RAB6B: variants seen among roughly 807,000 people sequenced by gnomAD.
RAB6B encodes ras-related protein Rab-6B.
In RAB6B, 7 loss-of-function variants were observed where a neutral mutation model predicts 31.2. The ratio of observed to expected loss-of-function variants is 0.22; its 90% CI spans 0.13 to 0.42. The LOEUF is 0.42. Ranked by LOEUF, RAB6B falls within the 10% of genes least tolerant of loss-of-function variation. The probability of loss-of-function intolerance (pLI) is 1.00; values close to 1 mark genes in which losing one functional copy is unlikely to be tolerated. For synonymous variants in RAB6B, 105 were observed against 104.9 expected (o/e 1.00, Z -0.01); for missense variants, 149 against 280.6 (o/e 0.53, Z 3.35).
At chr3:133,873,188 G>T (rs1166010595) in intron 1 of RAB6B, among the ~76,000 whole-genome samples, 1 of 152,200 alleles carries the variant, frequency 6.6e-6, no homozygotes, top group South Asian at 2.1e-4. Flanking sequence ...AGCAGAAAAA[G>T]GAAAGGCAAA....
At chr3:133,864,501 C>T in intron 2 of RAB6B, 83 bp downstream of exon 2, 2 of 1,416,958 alleles carry the variant, frequency 1.4e-6, no homozygotes, top group Non-Finnish European at 2.0e-6. Flanking sequence ...CAGGGCCATT[C>T]CACTCCCACC....
chr3:133,884,600 T>C (rs1936512414), intron 1 of RAB6B, among the ~76,000 whole-genome samples: 1 of 152,126 alleles, frequency 6.6e-6, no homozygotes, highest in Non-Finnish European at 1.5e-5. Context: ...AAGTGTCCAC[T>C]GGAAGAGAAG....
At chr3:133,863,692 A>AC (rs1288384508) in intron 2 of RAB6B, among the ~76,000 whole-genome samples, 1 of 151,770 alleles carries the variant, frequency 6.6e-6, no homozygotes, top group African/African-American at 2.4e-5. Context: ...ACCACCCCCT[A>AC]CCTCAACTTT....
chr3:133,828,974 T>G, intron 7 of RAB6B, 122 bp from the exon 8 acceptor site: 1 of 952,390 alleles, frequency 1.0e-6, no homozygotes, highest in Non-Finnish European at 1.5e-6. Context: ...GACTTGGCTC[T>G]TGGTTTGGCT....
intron 1 of RAB6B, among the ~76,000 whole-genome samples, chr3:133,888,678 T>A (rs1936587827): frequency 1.3e-5 from 2 of 152,356 alleles, no homozygotes; most frequent in South Asian, 2.1e-4. Flanking sequence ...CAATATTTTT[T>A]AAAAAGATCT....
intron 2 of RAB6B, among the ~76,000 whole-genome samples, chr3:133,845,016 T>A (rs1372749614): frequency 6.6e-6 from 1 of 151,238 alleles, no homozygotes; most frequent in Non-Finnish European, 1.5e-5. Flanking sequence ...GATTCTACAT[T>A]AAATCAATTT....
Position 133,834,734 on chromosome 3 carries a change from A to C in RAB6B, c.496-93T>G, listed in dbSNP as rs1383901773. On this transcript the variant is annotated intron_variant, in intron 6 of 7. Transcript: ENST00000285208. ...GCACCCTCACCCCTCTTCCCCTCCC[A>C]ACCTGCAGCTTTACTCTCCCATCTG... 3 of 1,196,636 alleles carry C rather than the reference A, an allele frequency of 2.5e-6. No individual in the cohort carries two copies. The African/African-American group carries it at 4.5e-5, about 18-fold the overall frequency. The allele number at this position is 1,196,636 out of a possible 1,614,324, so 74.1% of individuals were successfully genotyped here.
chr3:133,871,176 G>C (rs568291127), intron 1 of RAB6B, among the ~76,000 whole-genome samples: 1 of 152,380 alleles, frequency 6.6e-6, no homozygotes, highest in South Asian at 2.1e-4. Context: ...CACAGAATTT[G>C]TAGTGACAAA....
At chr3:133,859,424 G>C (rs1177369563) in intron 2 of RAB6B, among the ~76,000 whole-genome samples, 4 of 152,136 alleles carry the variant, frequency 2.6e-5, no homozygotes, top group Non-Finnish European at 4.4e-5. Flanking sequence ...CTATTCCTGG[G>C]TTGGGGGTGG....
intron 2 of RAB6B, among the ~76,000 whole-genome samples, chr3:133,844,057 A>G (rs1319014173): frequency 2.6e-5 from 4 of 152,228 alleles, no homozygotes; most frequent in African/African-American, 9.7e-5. Context: ...AATGCTACTG[A>G]TAACTGTAAT....
chr3:133,854,048 C>G (rs1466461291), intron 2 of RAB6B, among the ~76,000 whole-genome samples: 1 of 152,170 alleles, frequency 6.6e-6, no homozygotes, highest in Admixed American at 6.5e-5. Flanking sequence ...AGTAGATAGC[C>G]TCTTTAGTAA....
intron 2 of RAB6B, among the ~76,000 whole-genome samples, chr3:133,857,880 C>G (rs11718549): frequency 0.19 from 28,641 of 152,134 alleles, 2,787 homozygotes; most frequent in Middle Eastern, 0.28. Context: ...CCTTCCACTT[C>G]CTGTGCCATC....
At chr3:133,862,603 A>C (rs1462592917) in intron 2 of RAB6B, among the ~76,000 whole-genome samples, 1 of 152,236 alleles carries the variant, frequency 6.6e-6, no homozygotes, top group Non-Finnish European at 1.5e-5. Context: ...ACATGAGTCA[A>C]AGTGTGGAGG....
rs1406666545 is a variant in RAB6B at position 133,826,631 on chromosome 3, G to A, written c.*2157C>T. The A allele has an allele frequency of 6.5e-6, 1 of 152,678 alleles. No homozygotes were observed. Among genetic ancestry groups the A allele is most frequent in the African/African-American group, 2.4e-5 (1 of 41,468 alleles). 9.5% of individuals were successfully genotyped at this position (152,678 alleles called of 1,614,324 possible). ...GTGTGCCCATGGTGGGGGGACACTG[G>A]CCCACACAGGCATGCACACCCGTGC... is the stretch of plus-strand genomic sequence containing the variant. On this transcript the variant is annotated 3_prime_UTR_variant, in exon 8 of 8. Coordinates refer to ENST00000285208, the MANE Select transcript of RAB6B (RefSeq NM_016577.4).
chr3:133,852,976 T>C (rs1936008431), intron 2 of RAB6B, among the ~76,000 whole-genome samples: 1 of 152,246 alleles, frequency 6.6e-6, no homozygotes, highest in Non-Finnish European at 1.5e-5. Flanking sequence ...ATTTCTGCTA[T>C]AGCTATCTCC....
rs1936160520 is a variant in RAB6B at position 133,861,456 on chromosome 3, G to A, written c.129+3128C>T. On this transcript the variant is annotated intron_variant, in intron 2 of 7. Transcript: ENST00000285208. ...AGGCATCTCACGGGGCCTACCAGGT[G>A]GACAAAAAGTCTTGAGAGGTCTGTA... Among the ~76,000 whole-genome samples the A allele has an allele frequency of 2.0e-5, 3 of 152,244 alleles. No individual in the cohort carries two copies. In the South Asian group the frequency reaches 6.2e-4, roughly 32 times the overall value.
In RAB6B at chr3:133,828,557, C is replaced by T. The variant is rs975770864; in HGVS notation, c.*231G>A. On this transcript the variant is annotated 3_prime_UTR_variant, in exon 8 of 8. Transcript: ENST00000285208. ...AGTTTTTGGCAATCTTAATAAAGTA[C>T]AATATATTACAACCAAACCAAAAAA... The T allele has an allele frequency of 6.9e-6, 4 of 579,052 alleles. No homozygotes were observed. The highest frequency in any genetic ancestry group is 1.2e-5 in the Non-Finnish European group (4 of 328,206). The allele number at this position is 579,052 out of a possible 1,614,324, so 35.9% of individuals were successfully genotyped here.
At chr3:133,881,496 G>A (rs995058755) in intron 1 of RAB6B, among the ~76,000 whole-genome samples, 1 of 152,324 alleles carries the variant, frequency 6.6e-6, no homozygotes. Context: ...CATGGGAAGT[G>A]CCAAGGAGCA....
At chr3:133,858,360 A>C (rs1340583409) in intron 2 of RAB6B, among the ~76,000 whole-genome samples, 1 of 152,252 alleles carries the variant, frequency 6.6e-6, no homozygotes, top group Non-Finnish European at 1.5e-5. Context: ...CATGTTTTTA[A>C]AGGAAGAGAC....
Sources: gnomAD v4.1 joint callset for allele counts (sites outside exome capture counted in the v4.1 genomes callset) on GRCh38, gnomAD v4.1.1 for gene constraint, MANE v1.5 for transcripts, NCBI Gene and HGNC (gene_info 2026-07-23, HGNC 2026-07-21) for gene names.